SORCS3: variants seen among roughly 807,000 people sequenced by gnomAD.
SORCS3 encodes VPS10 domain-containing receptor SorCS3.
A neutral mutation model predicts 146.3 loss-of-function variants in SORCS3; 57 were observed. The ratio of observed to expected loss-of-function variants is 0.39; its 90% CI spans 0.31 to 0.49. The LOEUF is 0.49. Ranked by LOEUF, SORCS3 falls within the 20% of genes least tolerant of loss-of-function variation. SORCS3 has a pLI of 0.92. For missense variants in SORCS3, 1,341 were observed against 1,575.5 expected, an observed-to-expected ratio of 0.85 and a Z score of 2.52; for synonymous variants, 653 against 618.5, an observed-to-expected ratio of 1.06 and a Z score of -0.83.
intron 5 of SORCS3, among the ~76,000 whole-genome samples, chr10:105,066,797 C>T (rs142782929): frequency 6.6e-6 from 1 of 152,184 alleles, no homozygotes; most frequent in African/African-American, 2.4e-5. Context: ...CATTTCTTTA[C>T]TACTCACCTT....
chr10:104,873,983 A>G (rs2018545019), intron 2 of SORCS3, among the ~76,000 whole-genome samples: 1 of 152,202 alleles, frequency 6.6e-6, no homozygotes, highest in South Asian at 2.1e-4. Context: ...ATATTAAACA[A>G]GTTCTTTCAG....
At chr10:105,086,028 T>C (rs758789440) in intron 5 of SORCS3, among the ~76,000 whole-genome samples, 1 of 152,206 alleles carries the variant, frequency 6.6e-6, no homozygotes, top group Non-Finnish European at 1.5e-5. Context: ...ACATCGTTTT[T>C]ATAGACCTGA....
At chr10:105,015,344 C>A (rs1351502495) in intron 4 of SORCS3, among the ~76,000 whole-genome samples, 1 of 152,094 alleles carries the variant, frequency 6.6e-6, no homozygotes, top group African/African-American at 2.4e-5. Context: ...CTTGTTATAG[C>A]AAAAAGGCTG....
chr10:104,854,666 A>G (rs1589524410), intron 2 of SORCS3, among the ~76,000 whole-genome samples: 1 of 152,200 alleles, frequency 6.6e-6, no homozygotes, highest in African/African-American at 2.4e-5. Context: ...CTGTTCCATC[A>G]CTACAGGAAT....
At chr10:105,243,172 C>G (rs912520638) in intron 20 of SORCS3, among the ~76,000 whole-genome samples, 9 of 149,774 alleles carry the variant, frequency 6.0e-5, no homozygotes, top group Non-Finnish European at 1.3e-4. Flanking sequence ...GGTTTTGTGT[C>G]AGATAAGACC....
intron 2 of SORCS3, among the ~76,000 whole-genome samples, chr10:104,859,098 A>C (rs1025676407): frequency 6.6e-6 from 1 of 152,020 alleles, no homozygotes; most frequent in African/African-American, 2.4e-5. Context: ...TACATGCTTT[A>C]GGGTGTTAGT....
At chr10:104,712,610 C>T (rs1384252535) in intron 1 of SORCS3, among the ~76,000 whole-genome samples, 1 of 152,126 alleles carries the variant, frequency 6.6e-6, no homozygotes, top group East Asian at 1.9e-4. Context: ...GCAGCGTGTT[C>T]CTTGAAGGGC....
rs2056983175 is a variant in SORCS3 at position 105,264,963 on chromosome 10, G to A, written c.*1589G>A. Reference sequence around the variant, plus strand: ...TTCCCATTCTTCTTTGTGAGACAGAGAGAATGTGATATAGAGAAATCTGGC... The same window carrying A: ...TTCCCATTCTTCTTTGTGAGACAGAAAGAATGTGATATAGAGAAATCTGGC... On this transcript the variant is annotated 3_prime_UTR_variant, in exon 27 of 27. Coordinates refer to ENST00000369701, the MANE Select transcript of SORCS3 (RefSeq NM_014978.3). 1 of 152,610 alleles carries A rather than the reference G, an allele frequency of 6.6e-6. No individual in the cohort carries two copies. The highest frequency in any genetic ancestry group is 6.5e-5 in the Admixed American group (1 of 15,280). The allele number at this position is 152,610 out of a possible 1,614,324, so 9.5% of individuals were successfully genotyped here.
At chr10:105,157,558 A>G (rs894522445) in intron 10 of SORCS3, among the ~76,000 whole-genome samples, 4 of 152,218 alleles carry the variant, frequency 2.6e-5, no homozygotes, top group Non-Finnish European at 5.9e-5. Flanking sequence ...GCCTGTACTC[A>G]AGGGTCCCAG....
intron 1 of SORCS3, among the ~76,000 whole-genome samples, chr10:104,800,197 A>G (rs999513343): frequency 6.6e-6 from 1 of 152,088 alleles, no homozygotes; most frequent in African/African-American, 2.4e-5. Context: ...AATAGATACT[A>G]CTAAATGAAA....
chr10:104,886,028 G>A (rs1411085089), intron 2 of SORCS3, among the ~76,000 whole-genome samples: 1 of 152,144 alleles, frequency 6.6e-6, no homozygotes, highest in African/African-American at 2.4e-5. Flanking sequence ...TGAAAAAACT[G>A]AGGAACCATA....
intron 25 of SORCS3, among the ~76,000 whole-genome samples, chr10:105,258,814 G>A (rs1192180329): frequency 6.6e-6 from 1 of 152,136 alleles, no homozygotes; most frequent in African/African-American, 2.4e-5. Flanking sequence ...CCCTGACAGT[G>A]AGTCATGCAG....
intron 7 of SORCS3, among the ~76,000 whole-genome samples, chr10:105,118,250 G>A (rs909631677): frequency 6.6e-6 from 1 of 152,026 alleles, no homozygotes; most frequent in East Asian, 1.9e-4. Flanking sequence ...GTTTTTTAAG[G>A]GGCTTTTTCC....
At chr10:105,132,966 T>G (rs2056032241) in intron 7 of SORCS3, among the ~76,000 whole-genome samples, 1 of 152,180 alleles carries the variant, frequency 6.6e-6, no homozygotes, top group South Asian at 2.1e-4. Context: ...CAAAACAGAT[T>G]AATAGTCACT....
intron 4 of SORCS3, among the ~76,000 whole-genome samples, chr10:105,041,986 C>A (rs78840516): frequency 5.1e-4 from 77 of 152,294 alleles, no homozygotes; most frequent in African/African-American, 1.9e-3. Flanking sequence ...ATCCTAGTTT[C>A]TTTGACCAAG....
intron 4 of SORCS3, among the ~76,000 whole-genome samples, chr10:104,984,085 C>G (rs970350678): frequency 8.5e-5 from 13 of 152,106 alleles, no homozygotes; most frequent in Non-Finnish European, 1.3e-4. Flanking sequence ...CACTCTCCGT[C>G]AAGGTCATTT....
intron 4 of SORCS3, among the ~76,000 whole-genome samples, chr10:105,018,828 C>G (rs1289409005): frequency 2.0e-5 from 3 of 150,472 alleles, no homozygotes; most frequent in African/African-American, 7.4e-5. Flanking sequence ...CTCTCTCTCT[C>G]AAACTTATAT....
chr10:105,037,095 G>C (rs958054554), intron 4 of SORCS3, among the ~76,000 whole-genome samples: 1 of 152,124 alleles, frequency 6.6e-6, no homozygotes. Flanking sequence ...ACCCTCATAT[G>C]ATCATTATAA....
intron 23 of SORCS3, among the ~76,000 whole-genome samples, chr10:105,254,048 G>A (rs117733092): frequency 4.6e-5 from 7 of 152,238 alleles, no homozygotes; most frequent in Non-Finnish European, 1.0e-4. Context: ...AGCCTAAGTC[G>A]GCCTCAGCTT....
Sources: gnomAD v4.1 joint callset for allele counts (sites outside exome capture counted in the v4.1 genomes callset) on GRCh38, gnomAD v4.1.1 for gene constraint, MANE v1.5 for transcripts, NCBI Gene and HGNC (gene_info 2026-07-23, HGNC 2026-07-21) for gene names.